Variants in PALMD observed in about 807,000 individuals in gnomAD.
PALMD encodes palmdelphin, also known as paralemmin-like protein.
A neutral mutation model predicts 56.2 loss-of-function variants in PALMD; 42 were observed. The observed-to-expected ratio is 0.75, with a 90% CI of 0.58 to 0.97. PALMD has a LOEUF of 0.97. Ranked by LOEUF, PALMD falls within the 50% of genes least tolerant of loss-of-function variation. PALMD has a pLI of 0.00. For missense variants in PALMD, 660 were observed against 643.8 expected, an observed-to-expected ratio of 1.03 and a Z score of -0.27; for synonymous variants, 242 against 222.9, an observed-to-expected ratio of 1.09 and a Z score of -0.76.
At chr1:99,664,744 G>A (rs935934033) in intron 2 of PALMD, among the ~76,000 whole-genome samples, 6 of 152,164 alleles carry the variant, frequency 3.9e-5, no homozygotes, top group African/African-American at 9.6e-5. Context: ...TCTATAGCCT[G>A]TCTCTTATTT....
intron 3 of PALMD, among the ~76,000 whole-genome samples, chr1:99,671,064 G>T (rs1029439970): frequency 9.2e-5 from 14 of 152,154 alleles, no homozygotes; most frequent in African/African-American, 1.4e-4. Context: ...GAACTAGGGA[G>T]ACCCACTCAC....
At chr1:99,686,362 T>G (rs1653494923) in intron 3 of PALMD, 1 of 171,688 alleles carries the variant, frequency 5.8e-6, no homozygotes, top group Non-Finnish European at 1.2e-5. Flanking sequence ...CTCTGTATTT[T>G]AAAAATCTCT....
At chr1:99,650,056 G>T (rs375611187) in intron 1 of PALMD, among the ~76,000 whole-genome samples, 1 of 152,060 alleles carries the variant, frequency 6.6e-6, no homozygotes, top group South Asian at 2.1e-4. Context: ...GTGGGGATGG[G>T]AGTGCATTGT....
intron 1 of PALMD, among the ~76,000 whole-genome samples, chr1:99,650,625 C>A (rs778308268): frequency 3.8e-4 from 58 of 152,134 alleles, no homozygotes; most frequent in Non-Finnish European, 6.8e-4. Context: ...AAAAGCAAGA[C>A]CTGCTGTGTG....
In PALMD at chr1:99,678,424, AG is replaced by A. The variant is rs912588835; in HGVS notation, c.252-8250del. ...CTGGCCCAGTAACTCATCTTTACTA[AG>A]GAACTCCTCTACATCAAGCCCTGTT... On this transcript the variant is annotated intron_variant, in intron 3 of 7. Transcript: ENST00000263174. Among the ~76,000 whole-genome samples, 4 of 152,230 alleles carry A rather than the reference AG, an allele frequency of 2.6e-5. No homozygotes were observed. In the East Asian group the frequency reaches 5.8e-4, roughly 22 times the overall value.
rs761778842 is a variant in PALMD at position 99,694,062 on chromosome 1, A to G, written c.1656A>G (p.Ter552=). ...RMAKLGKKVI[*] ...CAAAGCTGGGAAAAAAGGTGATCTA[A>G]GAGTTGTACCACCTATATAAACATC... is the stretch of plus-strand genomic sequence containing the variant. Residue 552 remains the stop codon, a stop_retained_variant, in exon 8 of 8, where the codon TAA becomes TAG. Transcript: ENST00000263174. 6.3e-7 allele frequency: 1 copy of G among 1,586,948 alleles called. No homozygotes were observed.
At chr1:99,667,998 C>A (rs923910404) in intron 3 of PALMD, 4 of 424,434 alleles carry the variant, frequency 9.4e-6, no homozygotes, top group Non-Finnish European at 1.3e-5. Flanking sequence ...CCAGCCTCAG[C>A]CTCCTGAGTA....
At chr1:99,688,327 A>G (rs1263951969) in intron 6 of PALMD, among the ~76,000 whole-genome samples, 1 of 152,162 alleles carries the variant, frequency 6.6e-6, no homozygotes, top group Non-Finnish European at 1.5e-5. Flanking sequence ...TTTATAAAAT[A>G]TACTGTACTA....
intron 3 of PALMD, chr1:99,685,305 C>T (rs1271189331): frequency 1.3e-5 from 2 of 152,180 alleles, no homozygotes; most frequent in Admixed American, 6.5e-5. Flanking sequence ...AGATTTATCA[C>T]TTTTAGTGCA....
intron 3 of PALMD, chr1:99,668,251 A>G (rs1653010216): frequency 6.5e-6 from 1 of 154,016 alleles, no homozygotes; most frequent in Non-Finnish European, 1.4e-5. Context: ...AAAAAAGACT[A>G]GGGAAACACA....
chr1:99,653,884 C>T (rs1652652608), intron 1 of PALMD, among the ~76,000 whole-genome samples: 1 of 152,100 alleles, frequency 6.6e-6, no homozygotes, highest in Non-Finnish European at 1.5e-5. Context: ...GGATTTCAGT[C>T]ATTCTTCACA....
intron 1 of PALMD, among the ~76,000 whole-genome samples, chr1:99,652,922 G>T (rs145319804): frequency 6.6e-6 from 1 of 152,128 alleles, no homozygotes; most frequent in African/African-American, 2.4e-5. Flanking sequence ...TGGGCAAGAA[G>T]AGACTGTGGT....
intron 3 of PALMD, among the ~76,000 whole-genome samples, chr1:99,672,294 T>G (rs1030228043): frequency 1.3e-5 from 2 of 152,150 alleles, no homozygotes; most frequent in Admixed American, 6.6e-5. Context: ...GAGGAAATGT[T>G]CCCAGGGGAA....
rs985890701 is a variant in PALMD, at chr1:99,675,019, A to G, written c.251+7253A>G. The stretch of plus-strand genomic sequence containing the variant: ...CCTTGCGATGCATCTTTTGTCTGCC[A>G]TAAGGCAAATGTCACTTCGTCCATT... On this transcript the variant is annotated intron_variant, in intron 3 of 7. Transcript: ENST00000263174. Among the ~76,000 whole-genome samples, 3 of 152,244 alleles carry G rather than the reference A, an allele frequency of 2.0e-5. No homozygotes were observed. In the East Asian group the frequency reaches 5.8e-4, roughly 29 times the overall value.
chr1:99,646,346 G>A lies in PALMD; in HGVS notation c.29G>A (p.Arg10Lys). The change falls in exon 1 of 8, where the codon AGA becomes AAA. Residue 10 changes from arginine (R) to lysine (K), a missense_variant. Physicochemically the swap from Arg to Lys is conservative, Grantham distance 26 (BLOSUM62 2). Transcript: ENST00000263174. Reference sequence around the variant, plus strand: ...GAAGAAGCTGAGCTGGTGAAGGGAAGACTCCAGGCCATCACAGTAAGTCTG... The same window carrying A: ...GAAGAAGCTGAGCTGGTGAAGGGAAAACTCCAGGCCATCACAGTAAGTCTG... Reference protein sequence around the residue: MEEAELVKGRLQAITDKRKI... With the variant: MEEAELVKGKLQAITDKRKI... The A allele has an allele frequency of 6.2e-7, 1 of 1,613,060 alleles. No homozygotes were observed. Among genetic ancestry groups the A allele is most frequent in the Non-Finnish European group, 8.5e-7 (1 of 1,179,014 alleles).
chr1:99,690,877 G>T (rs1042968472), intron 7 of PALMD, among the ~76,000 whole-genome samples: 1 of 152,066 alleles, frequency 6.6e-6, no homozygotes, highest in Non-Finnish European at 1.5e-5. Context: ...ATGGCAGTGT[G>T]GTAGTACCTG....
intron 3 of PALMD, among the ~76,000 whole-genome samples, chr1:99,670,550 C>A (rs1653060754): frequency 6.6e-6 from 1 of 152,034 alleles, no homozygotes; most frequent in South Asian, 2.1e-4. Context: ...ATGAAGAGAG[C>A]TGTAAATGCA....
In PALMD at chr1:99,652,673, AGG is replaced by A. The variant is rs1652615979; in HGVS notation, c.45+6312_45+6313del. 4.5e-5 allele frequency among the ~76,000 whole-genome samples: 4 copies of A among 88,110 alleles called. No individual in the cohort carries two copies. In the East Asian group the frequency reaches 1.3e-3, roughly 30 times the overall value. 57.8% of individuals were successfully genotyped at this position (88,110 alleles called of 152,430 possible). On this transcript the variant is annotated intron_variant, in intron 1 of 7. Coordinates refer to ENST00000263174, the MANE Select transcript of PALMD (RefSeq NM_017734.5). ...AAAGAAAGAAAAGAAAGGAAAGGAAAGGAAAGGAAAGGAAAGGAAAGGAAAAG... is the reference window on the plus strand; with the variant it reads ...AAAGAAAGAAAAGAAAGGAAAGGAAAAAAGGAAAGGAAAGGAAAGGAAAAG...
Position 99,686,659 on chromosome 1 carries a change from T to G in PALMD, c.252-17T>G. 1 of 1,299,858 alleles carries G rather than the reference T, an allele frequency of 7.7e-7. No individual in the cohort carries two copies. Among genetic ancestry groups the G allele is most frequent in the Non-Finnish European group, 1.1e-6 (1 of 904,446 alleles). The allele number at this position is 1,299,858 out of a possible 1,614,324, so 80.5% of individuals were successfully genotyped here. On this transcript the variant is annotated splice_polypyrimidine_tract_variant and intron_variant, in intron 3 of 7. Coordinates refer to ENST00000263174, the MANE Select transcript of PALMD (RefSeq NM_017734.5). ...GTACTGTGTTAAGCAATAAAAAGTA[T>G]ACCTTTTTGTTGTCAGGCTTGAGAA...
Sources: gnomAD v4.1 joint callset for allele counts (sites outside exome capture counted in the v4.1 genomes callset) on GRCh38, gnomAD v4.1.1 for gene constraint, MANE v1.5 for transcripts, NCBI Gene and HGNC (gene_info 2026-07-23, HGNC 2026-07-21) for gene names.